The following RP1 variants were observed in gnomAD, a reference collection of about 807,000 sequenced individuals.
RP1 encodes oxygen-regulated protein 1.
In RP1, 16 loss-of-function variants were observed where a neutral mutation model predicts 14.8. That is an observed-to-expected ratio of 1.08 (90% CI 0.73 to 1.65). The LOEUF (loss-of-function observed/expected upper bound fraction) is 1.65, where lower values mean the gene tolerates loss of function less well. Among genes scored for constraint, RP1 ranks in the 40% most tolerant of loss-of-function variants. RP1 has a pLI of 0.00. For synonymous variants in RP1, 876 were observed against 883.6 expected (o/e 0.99, Z 0.15); for missense variants, 2,631 against 2,535.0 (o/e 1.04, Z -0.81).
chr8:54,651,398 GT>G (rs1052869507), intron 4 of RP1, among the ~76,000 whole-genome samples: 4 of 150,668 alleles, frequency 2.7e-5, no homozygotes, highest in African/African-American at 7.3e-5. Flanking sequence ...TCTGTCCTAG[GT>G]TTTTTTTTCT....
chr8:54,838,476 T>C (rs966298188), intron 25 of RP1, among the ~76,000 whole-genome samples: 8 of 152,212 alleles, frequency 5.3e-5, no homozygotes, highest in African/African-American at 1.9e-4. Flanking sequence ...TTTGTGTGTA[T>C]GCGAGTGTTT....
downstream of RP1, among the ~76,000 whole-genome samples, chr8:54,771,511 T>C (rs77459094): frequency 0.029 from 4,383 of 152,166 alleles, 121 homozygotes; most frequent in African/African-American, 0.064. Context: ...CTTTGTTAGA[T>C]ATACTTCATC....
intron 1 of RP1, among the ~76,000 whole-genome samples, chr8:54,570,221 G>A (rs947593748): frequency 2.6e-5 from 4 of 152,200 alleles, no homozygotes; most frequent in Non-Finnish European, 5.9e-5. Flanking sequence ...TCATGAGGGA[G>A]GGAGAAGGAA....
chr8:54,564,948 A>C lies in RP1; in HGVS notation c.-13+5628A>C, dbSNP rs566358025. ...ATTTTTTATTTTTTGTAGAGATGAG[A>C]TCTTACTATGTAGCCTAGGCTGGTC... On this transcript the variant is annotated intron_variant, in intron 1 of 22. Transcript: ENST00000636932. Among the ~76,000 whole-genome samples, 59 of 152,152 alleles carry C rather than the reference A, an allele frequency of 3.9e-4. 1 individual carries two copies. The highest frequency in any genetic ancestry group is 1.4e-3 in the African/African-American group (57 of 41,522).
At chr8:54,837,486 C>A (rs1454586970) in exon 25 of RP1, 1 of 1,230,870 alleles carries the variant, frequency 8.1e-7, no homozygotes, top group African/African-American at 1.6e-5. Flanking sequence ...CTATAAAATA[C>A]GTATTGGACA....
At position 54,828,882 on chromosome 8, in the gene RP1, C is replaced by CTTTTTTTTTTTTTTTTTTTTTTT. The variant is rs201534661; in HGVS notation, c.3616-8563_3616-8541dup. Among the ~76,000 whole-genome samples, 8 of 83,936 alleles carry CTTTTTTTTTTTTTTTTTTTTTTT rather than the reference C, an allele frequency of 9.5e-5. 1 individual carries two copies. Among genetic ancestry groups the CTTTTTTTTTTTTTTTTTTTTTTT allele is most frequent in the South Asian group, 4.8e-4 (1 of 2,086 alleles). 55.1% of individuals were successfully genotyped at this position (83,936 alleles called of 152,430 possible). On this transcript the variant is annotated intron_variant, in intron 24 of 28. Coordinates refer to the RP1 transcript ENST00000637698. ...TTCTTTCTTCTTTCTTCTTCTTCTT[C>CTTTTTTTTTTTTTTTTTTTTTTT]TTTTTTTTTTTTTTTTTTTTTTTTT...
At chr8:54,812,521 T>G (rs975727904) in intron 24 of RP1, among the ~76,000 whole-genome samples, 1 of 152,234 alleles carries the variant, frequency 6.6e-6, no homozygotes, top group African/African-American at 2.4e-5. Context: ...ATAGACTCAG[T>G]TCAGACATGT....
At chr8:54,595,132 ATT>A (rs1290366781) in intron 1 of RP1, among the ~76,000 whole-genome samples, 13 of 141,426 alleles carry the variant, frequency 9.2e-5, no homozygotes, top group East Asian at 2.0e-4. Flanking sequence ...TCCTCCAAAC[ATT>A]TTTTTTTTTT....
intron 1 of RP1, among the ~76,000 whole-genome samples, chr8:54,595,035 A>G (rs972171584): frequency 5.9e-5 from 9 of 152,102 alleles, no homozygotes; most frequent in African/African-American, 1.9e-4. Flanking sequence ...TAATAAATAA[A>G]CATTTAAAAT....
chr8:54,765,555 C>T (rs1809741009), intron 22 of RP1, among the ~76,000 whole-genome samples: 1 of 152,194 alleles, frequency 6.6e-6, no homozygotes, highest in Non-Finnish European at 1.5e-5. Context: ...CATATTATCC[C>T]CCTACCTTGG....
At chr8:54,649,356 T>C (rs1170030309) in intron 4 of RP1, among the ~76,000 whole-genome samples, 5 of 151,776 alleles carry the variant, frequency 3.3e-5, no homozygotes, top group Non-Finnish European at 4.4e-5. Flanking sequence ...AAATACTAGA[T>C]GGTAAACACT....
At chr8:54,755,660 CATGCAG>C in exon 21 of RP1, 1 of 1,536,008 alleles carries the variant, frequency 6.5e-7, no homozygotes, top group Non-Finnish European at 8.7e-7. Flanking sequence ...GCAGCTGAAG[CATGCAG>C]AGACGGAGTC....
At chr8:54,652,153 G>A (rs922740151) in intron 4 of RP1, among the ~76,000 whole-genome samples, 6 of 152,018 alleles carry the variant, frequency 3.9e-5, no homozygotes, top group East Asian at 1.9e-4. Flanking sequence ...GATTACAGGC[G>A]CCTGCCAACA....
intron 1 of RP1, among the ~76,000 whole-genome samples, chr8:54,607,680 G>A (rs1203032742): frequency 1.3e-5 from 2 of 152,256 alleles, no homozygotes; most frequent in African/African-American, 2.4e-5. Context: ...CTTGAGCTGC[G>A]GTGGGCTTCA....
At chr8:54,601,399 AC>A (rs1319985084) in intron 1 of RP1, among the ~76,000 whole-genome samples, 2 of 138,396 alleles carry the variant, frequency 1.4e-5, no homozygotes, top group Admixed American at 1.5e-4. Flanking sequence ...AGGAGGGGGA[AC>A]ATTACACTCT....
At chr8:54,728,913 T>C (rs1351333688) in intron 17 of RP1, among the ~76,000 whole-genome samples, 1 of 152,200 alleles carries the variant, frequency 6.6e-6, no homozygotes, top group Non-Finnish European at 1.5e-5. Context: ...GACGTAGTTC[T>C]GTCTTAGTTA....
intron 24 of RP1, among the ~76,000 whole-genome samples, chr8:54,831,708 A>G (rs11996081): frequency 0.31 from 46,313 of 151,522 alleles, 7,282 homozygotes; most frequent in South Asian, 0.37. Flanking sequence ...TGTGGTTTAT[A>G]TATACCCTTT....
At chr8:54,869,035 C>T (rs143129006) in intron 28 of RP1, among the ~76,000 whole-genome samples, 1 of 152,080 alleles carries the variant, frequency 6.6e-6, no homozygotes, top group South Asian at 2.1e-4. Flanking sequence ...CATGGTAAAG[C>T]CAGAACTGCA....
At position 54,628,046 on chromosome 8, in the gene RP1, G is replaced by T; in HGVS notation, c.4164G>T (p.Val1388=). Residue 1388 remains valine (V), a synonymous_variant, in exon 4 of 4, where the codon GTG becomes GTT. Coordinates refer to ENST00000220676, the MANE Select transcript of RP1 (RefSeq NM_006269.2). ...ATAAAAATGGATTTAATACATTGGT[G>T]TCACATCAAAATGTCAGTAATTTAA... is the stretch of plus-strand genomic sequence containing the variant. ...PEYKNGFNTL[V]SHQNVSNLSS... 1 of 1,614,016 alleles carries T rather than the reference G, an allele frequency of 6.2e-7. No homozygotes were observed. The highest frequency in any genetic ancestry group is 1.6e-4 in the Middle Eastern group (1 of 6,062).
Sources: allele counts gnomAD v4.1 joint callset (sites outside exome capture counted in the v4.1 genomes callset), GRCh38; gene constraint gnomAD v4.1.1; transcripts MANE v1.5; gene names NCBI Gene and HGNC (gene_info 2026-07-23, HGNC 2026-07-21).